THEMIS: variants seen among roughly 807,000 people sequenced by gnomAD.
The protein encoded by THEMIS is protein THEMIS.
THEMIS carries 37 observed loss-of-function variants against 52.6 expected under a neutral mutation model. The observed-to-expected ratio is 0.70, with a 90% CI of 0.54 to 0.93. The LOEUF (loss-of-function observed/expected upper bound fraction) is 0.93, where lower values mean the gene tolerates loss of function less well. Among genes scored for constraint, THEMIS ranks in the 40% least tolerant of loss-of-function variants. The pLI is 0.00. For missense variants in THEMIS, 808 were observed against 763.1 expected, an observed-to-expected ratio of 1.06 and a Z score of -0.69; for synonymous variants, 292 against 272.7, an observed-to-expected ratio of 1.07 and a Z score of -0.70.
chr6:127,710,882 G>T (rs1199298819), intron 5 of THEMIS, among the ~76,000 whole-genome samples: 1 of 151,828 alleles, frequency 6.6e-6, no homozygotes. Flanking sequence ...TGGAGAGAAA[G>T]TCTCTGTTGG....
At chr6:127,859,198 C>A (rs1185157774) in intron 1 of THEMIS, among the ~76,000 whole-genome samples, 1 of 152,096 alleles carries the variant, frequency 6.6e-6, no homozygotes, top group Admixed American at 6.6e-5. Context: ...CTACACCAGG[C>A]CACCCATCCC....
At chr6:127,787,289 C>CAG (rs1378192314) in intron 4 of THEMIS, among the ~76,000 whole-genome samples, 60 of 152,174 alleles carry the variant, frequency 3.9e-4, no homozygotes, top group Non-Finnish European at 1.5e-5. Flanking sequence ...CACACACACA[C>CAG]ACACACAAAC....
At chr6:127,784,933 A>C (rs1776872896) in intron 4 of THEMIS, among the ~76,000 whole-genome samples, 1 of 152,050 alleles carries the variant, frequency 6.6e-6, no homozygotes, top group South Asian at 2.1e-4. Flanking sequence ...AAATCTTCAG[A>C]TAGCAAAGGC....
chr6:127,766,238 A>G (rs962457193), intron 4 of THEMIS, among the ~76,000 whole-genome samples: 2 of 152,136 alleles, frequency 1.3e-5, no homozygotes, highest in South Asian at 2.1e-4. Flanking sequence ...ATATCTTTAC[A>G]TCTTTTTAAT....
upstream of THEMIS, among the ~76,000 whole-genome samples, chr6:127,903,442 A>G (rs1371415670): frequency 6.6e-6 from 1 of 152,098 alleles, no homozygotes; most frequent in Non-Finnish European, 1.5e-5. Flanking sequence ...ATAATTTACT[A>G]TTTGAAAAAG....
chr6:127,759,013 A>C (rs1378507438), intron 4 of THEMIS, among the ~76,000 whole-genome samples: 2 of 152,144 alleles, frequency 1.3e-5, no homozygotes, highest in Non-Finnish European at 2.9e-5. Flanking sequence ...TTATATTACA[A>C]GACAGTCATA....
At position 127,812,889 on chromosome 6, in the gene THEMIS, A is replaced by G; in HGVS notation, c.1752T>C (p.Ser584=). 1.3e-6 allele frequency: 2 copies of G among 1,592,644 alleles called. No homozygotes were observed. The highest frequency in any genetic ancestry group is 8.6e-7 in the Non-Finnish European group (1 of 1,168,806). The change falls in exon 4 of 6, where the codon TCT becomes TCC. Residue 584 remains serine (S), a synonymous_variant. Transcript: ENST00000368248. ...AEERTVDLPK[S]PKRHHVDITK... ...TGCAAAACCATAGCCTTACCTTGGG[A>G]GACTTGGGCAGGTCTACCGTCCTTT...
intron 2 of THEMIS, among the ~76,000 whole-genome samples, chr6:127,852,466 T>C (rs1015680135): frequency 6.6e-6 from 1 of 151,428 alleles, no homozygotes; most frequent in Non-Finnish European, 1.5e-5. Flanking sequence ...CTAGATCATA[T>C]ATTAGTCCAA....
Position 127,813,132 on chromosome 6 carries a change from T to A in THEMIS, c.1509A>T (p.Glu503Asp). The A allele has an allele frequency of 6.2e-7, 1 of 1,614,126 alleles. No individual in the cohort carries two copies. The highest frequency in any genetic ancestry group is 8.5e-7 in the Non-Finnish European group (1 of 1,180,018). Residue 503 changes from glutamate to aspartate, a missense_variant, in exon 4 of 6, where the codon GAA becomes GAT. By Grantham distance (45) the Glu-to-Asp change is conservative. Coordinates refer to ENST00000368248, the MANE Select transcript of THEMIS (RefSeq NM_001010923.3). ...TCATATTCAAGCGGCCCACAGGAAT[T>A]TCCCAGCACTCCGTGGGGTTGGCAA... ...SDFANPTECWEIPVGRLNMTV... is the reference protein window; with the variant it reads ...SDFANPTECWDIPVGRLNMTV...
chr6:127,900,773 C>A, intron 1 of THEMIS, 69 bp downstream of exon 1: 1 of 1,338,130 alleles, frequency 7.5e-7, no homozygotes, highest in Non-Finnish European at 1.1e-6. Context: ...AAATTCCCCC[C>A]CTCCAATTTT....
upstream of THEMIS, among the ~76,000 whole-genome samples, chr6:127,903,933 C>G (rs547048248): frequency 3.7e-4 from 56 of 152,136 alleles, no homozygotes; most frequent in African/African-American, 1.3e-3. Flanking sequence ...AACAAGAGAG[C>G]TGTCAGGGTG....
chr6:127,712,386 T>C (rs748854030), intron 5 of THEMIS, among the ~76,000 whole-genome samples: 4 of 151,890 alleles, frequency 2.6e-5, no homozygotes, highest in Admixed American at 2.0e-4. Context: ...GAGCAGGAGA[T>C]TCCACATTGA....
In THEMIS at chr6:127,829,771, G is replaced by A; in HGVS notation, c.414C>T (p.Leu138=). ...LIIKQGEQIM[L]NSVEEIDGEI... The stretch of plus-strand genomic sequence containing the variant: ...CTCCATCAATCTCTTCAACTGAGTT[G>A]AGCATGATTTGCTCACCCTGCTTTA... The change falls in exon 3 of 6, where the codon CTC becomes CTT. Residue 138 remains leucine (L), a synonymous_variant. Transcript: ENST00000368248. 1 of 1,614,068 alleles carries A rather than the reference G, an allele frequency of 6.2e-7. No individual in the cohort carries two copies. The highest frequency in any genetic ancestry group is 1.7e-4 in the Middle Eastern group (1 of 6,060).
chr6:127,875,895 A>G (rs1371028498), intron 1 of THEMIS, among the ~76,000 whole-genome samples: 2 of 152,218 alleles, frequency 1.3e-5, no homozygotes, highest in Admixed American at 1.3e-4. Flanking sequence ...CATAGTTGAC[A>G]TGTGATTATA....
chr6:127,873,532 A>G (rs541807671), intron 1 of THEMIS, among the ~76,000 whole-genome samples: 1 of 152,348 alleles, frequency 6.6e-6, no homozygotes, highest in East Asian at 1.9e-4. Context: ...TGCAAAAGCA[A>G]TTCAAAAGCA....
chr6:127,706,251 G>A (rs961274415), downstream of THEMIS, among the ~76,000 whole-genome samples: 1 of 151,828 alleles, frequency 6.6e-6, no homozygotes. Context: ...ATGCATTGAG[G>A]ACTTACTTTT....
intron 1 of THEMIS, among the ~76,000 whole-genome samples, chr6:127,882,976 A>G (rs746160017): frequency 1.1e-4 from 17 of 152,016 alleles, no homozygotes; most frequent in Non-Finnish European, 2.2e-4. Flanking sequence ...TCATGTTCAT[A>G]TAATACATAA....
chr6:127,768,480 G>C (rs968214539), intron 4 of THEMIS, among the ~76,000 whole-genome samples: 1 of 151,960 alleles, frequency 6.6e-6, no homozygotes, highest in Non-Finnish European at 1.5e-5. Context: ...ACAGTACTTC[G>C]CAACAAAAAC....
At position 127,863,605 on chromosome 6, in the gene THEMIS, CA is replaced by C. The variant is rs559309233; in HGVS notation, c.92-8418del. Among the ~76,000 whole-genome samples, 247 of 152,264 alleles carry C rather than the reference CA, an allele frequency of 1.6e-3. 2 individuals are homozygous for C. Among genetic ancestry groups the C allele is most frequent in the African/African-American group, 5.7e-3 (235 of 41,564 alleles). ...AGCTGTCAAACAATTGGAGTGTATTCAGGGCCACTGTTTACTGCATAGGTTG... is the reference window on the plus strand; with the variant it reads ...AGCTGTCAAACAATTGGAGTGTATTCGGGCCACTGTTTACTGCATAGGTTG... On this transcript the variant is annotated intron_variant, in intron 1 of 5. Coordinates refer to ENST00000368248, the MANE Select transcript of THEMIS (RefSeq NM_001010923.3).
Sources: gnomAD v4.1 joint callset for allele counts (sites outside exome capture counted in the v4.1 genomes callset) on GRCh38, gnomAD v4.1.1 for gene constraint, MANE v1.5 for transcripts, NCBI Gene and HGNC (gene_info 2026-07-23, HGNC 2026-07-21) for gene names.